CDC42BPA: variants seen among roughly 807,000 people sequenced by gnomAD.
CDC42BPA encodes the protein CDC42 binding protein kinase alpha, also known as serine/threonine-protein kinase MRCK alpha.
In CDC42BPA, 80 loss-of-function variants were observed where a neutral mutation model predicts 223.5. The ratio of observed to expected loss-of-function variants is 0.36; its 90% CI spans 0.30 to 0.43. The LOEUF is 0.43. Among genes scored for constraint, CDC42BPA ranks in the 20% least tolerant of loss-of-function variants. CDC42BPA has a pLI of 1.00. For missense variants in CDC42BPA, 1,743 were observed against 2,099.9 expected (o/e 0.83, Z 3.32); for synonymous variants, 694 against 718.6 (o/e 0.97, Z 0.55).
chr1:227,198,209 A>T (rs1671065781), intron 4 of CDC42BPA, among the ~76,000 whole-genome samples: 1 of 151,868 alleles, frequency 6.6e-6, no homozygotes, highest in Non-Finnish European at 1.5e-5. Context: ...CACACACCTT[A>T]GGGGGTCAAG....
chr1:227,284,875 T>C (rs1558954163), intron 1 of CDC42BPA, among the ~76,000 whole-genome samples: 1 of 151,218 alleles, frequency 6.6e-6, no homozygotes, highest in Non-Finnish European at 1.5e-5. Flanking sequence ...GGTGGGAAGA[T>C]CGCTTGATTC....
intron 5 of CDC42BPA, among the ~76,000 whole-genome samples, chr1:227,184,295 TC>T (rs1459096370): frequency 6.6e-6 from 1 of 152,194 alleles, no homozygotes; most frequent in Non-Finnish European, 1.5e-5. Context: ...AATATTTTCT[TC>T]CAACAGTTTT....
chr1:227,031,333 G>T lies in CDC42BPA; in HGVS notation c.3740C>A (p.Pro1247His). The T allele has an allele frequency of 6.2e-7, 1 of 1,613,902 alleles. No homozygotes were observed. The highest frequency in any genetic ancestry group is 8.5e-7 in the Non-Finnish European group (1 of 1,179,886). ...VPKEAYDSTL[P>H]LIKTTQAAAI... ...GGCTGCCTGGGTTGTTTTAATGAGG[G>T]GTAGAGTGCTGTCATAAGCCTCTTT... The change falls in exon 28 of 37, where the codon CCC (proline) becomes CAC (histidine). Residue 1247 changes from proline (P) to histidine (H), a missense_variant. Physicochemically the swap from Pro to His is moderately conservative, Grantham distance 77. Around this residue, in one of 6 missense-constraint regions of CDC42BPA, gnomAD observed 678 missense variants for 777.5 expected, o/e 0.87. Transcript: ENST00000366766.
chr1:227,138,886 A>C (rs1659159832), intron 10 of CDC42BPA, among the ~76,000 whole-genome samples: 1 of 152,148 alleles, frequency 6.6e-6, no homozygotes, highest in Non-Finnish European at 1.5e-5. Context: ...AGAACGAAAA[A>C]TGAGGGTATA....
intron 14 of CDC42BPA, among the ~76,000 whole-genome samples, chr1:227,108,751 T>C (rs1262525954): frequency 6.6e-6 from 1 of 152,172 alleles, no homozygotes; most frequent in Non-Finnish European, 1.5e-5. Flanking sequence ...CACCTCTAGA[T>C]TACAGTCACA....
intron 2 of CDC42BPA, among the ~76,000 whole-genome samples, chr1:227,219,738 CTAGGGTCTCTTCA>C (rs1675504967): frequency 6.6e-6 from 1 of 152,038 alleles, no homozygotes; most frequent in African/African-American, 2.4e-5. Context: ...GATTATCTCT[CTAGGGTCTCTTCA>C]TTTCTAAACC....
At chr1:227,197,583 G>A (rs1249424687) in intron 4 of CDC42BPA, among the ~76,000 whole-genome samples, 1 of 151,490 alleles carries the variant, frequency 6.6e-6, no homozygotes, top group Non-Finnish European at 1.5e-5. Context: ...ATAAATCACA[G>A]TTCAGGCTTT....
chr1:227,096,466 T>C (rs567677), intron 15 of CDC42BPA, among the ~76,000 whole-genome samples: 10,540 of 152,254 alleles, frequency 0.069, 559 homozygotes, highest in East Asian at 0.25. Context: ...ATTCTGTAAC[T>C]ACTTTTTCAT....
intron 5 of CDC42BPA, among the ~76,000 whole-genome samples, chr1:227,167,186 A>AT (rs1404304700): frequency 1.3e-5 from 2 of 152,226 alleles, no homozygotes; most frequent in African/African-American, 4.8e-5. Flanking sequence ...AATGAAGGTC[A>AT]TAAGTATAAA....
intron 1 of CDC42BPA, among the ~76,000 whole-genome samples, chr1:227,274,958 A>C (rs934762485): frequency 9.2e-5 from 14 of 152,230 alleles, no homozygotes; most frequent in African/African-American, 3.4e-4. Flanking sequence ...AAAAATTGGC[A>C]AACTTGCCAT....
At chr1:227,238,423 A>G (rs1679463530) in intron 2 of CDC42BPA, among the ~76,000 whole-genome samples, 2 of 152,166 alleles carry the variant, frequency 1.3e-5, no homozygotes, top group African/African-American at 4.8e-5. Flanking sequence ...AATCTGGTCC[A>G]TTACCTGTTT....
intron 20 of CDC42BPA, among the ~76,000 whole-genome samples, chr1:227,071,823 A>T (rs1307278281): frequency 6.7e-6 from 1 of 150,292 alleles, no homozygotes; most frequent in Non-Finnish European, 1.5e-5. Flanking sequence ...TGCCACTGTC[A>T]GAGTGATAAC....
intron 1 of CDC42BPA, among the ~76,000 whole-genome samples, chr1:227,269,337 A>G (rs1685592556): frequency 6.6e-6 from 1 of 152,252 alleles, no homozygotes; most frequent in Admixed American, 6.5e-5. Flanking sequence ...TTGGAAAAAA[A>G]CTTTAATCCA....
At chr1:227,111,779 G>A (rs759346702) in intron 14 of CDC42BPA, among the ~76,000 whole-genome samples, 17 of 152,270 alleles carry the variant, frequency 1.1e-4, no homozygotes, top group African/African-American at 3.4e-4. Flanking sequence ...CACTGTGCCC[G>A]GCCCCATAAT....
rs79573210 is a variant in CDC42BPA at position 227,050,375 on chromosome 1, G to C, written c.3009+1506C>G. Among the ~76,000 whole-genome samples the C allele has an allele frequency of 2.7e-3, 415 of 152,256 alleles. 12 individuals carry two copies. In the East Asian group the frequency reaches 0.052, roughly 19 times the overall value. The stretch of plus-strand genomic sequence containing the variant: ...CACACTGCTGGGGGAGTGAAAATTG[G>C]TCCAACCACTGTGGAAAACAATTTG... On this transcript the variant is annotated intron_variant, in intron 22 of 36. Coordinates refer to ENST00000366766, the MANE Select transcript of CDC42BPA (RefSeq NM_001394014.1).
intron 22 of CDC42BPA, among the ~76,000 whole-genome samples, chr1:227,048,283 C>T (rs1345958500): frequency 6.6e-6 from 1 of 151,674 alleles, no homozygotes. Context: ...TCAAATGATT[C>T]AAATAAAAAA....
intron 35 of CDC42BPA, among the ~76,000 whole-genome samples, chr1:227,001,487 C>G (rs1197430047): frequency 6.6e-6 from 1 of 152,194 alleles, no homozygotes; most frequent in African/African-American, 2.4e-5. Context: ...AGGAGATGGG[C>G]TGTCTTGGCT....
At chr1:227,189,686 T>C (rs190147991) in intron 5 of CDC42BPA, among the ~76,000 whole-genome samples, 1 of 152,304 alleles carries the variant, frequency 6.6e-6, no homozygotes, top group Admixed American at 6.5e-5. Context: ...CTATTTTCCA[T>C]TGCTCTTGTT....
chr1:227,281,487 T>C (rs1404081204), intron 1 of CDC42BPA, among the ~76,000 whole-genome samples: 1 of 152,090 alleles, frequency 6.6e-6, no homozygotes, highest in Non-Finnish European at 1.5e-5. Context: ...CATGGTCCAG[T>C]AGACATGAGG....
Sources: gnomAD v4.1 joint callset for allele counts (sites outside exome capture counted in the v4.1 genomes callset) on GRCh38, gnomAD v4.1.1 for gene constraint, gnomAD v4.1.1 regional missense constraint, MANE v1.5 for transcripts, NCBI Gene and HGNC (gene_info 2026-07-23, HGNC 2026-07-21) for gene names.